The following UGT8 variants were observed in gnomAD, a reference collection of about 807,000 sequenced individuals.
The protein encoded by UGT8 is 2-hydroxyacylsphingosine 1-beta-galactosyltransferase.
In UGT8, 12 loss-of-function variants were observed where a neutral mutation model predicts 40.5. The ratio of observed to expected loss-of-function variants is 0.30; its 90% CI spans 0.19 to 0.48. The LOEUF is 0.48. UGT8 is among the 20% of genes least tolerant of loss of function. The pLI is 0.99. For synonymous variants in UGT8, 224 were observed against 240.4 expected (o/e 0.93, Z 0.63); for missense variants, 513 against 648.7 (o/e 0.79, Z 2.27).
chr4:114,627,300 C>G (rs1004451437), intron 2 of UGT8, among the ~76,000 whole-genome samples: 5 of 149,682 alleles, frequency 3.3e-5, no homozygotes, highest in Non-Finnish European at 7.4e-5. Flanking sequence ...GCTCTGTCAC[C>G]CAGGCTGGAG....
chr4:114,667,241 C>T (rs1423686450), intron 4 of UGT8, among the ~76,000 whole-genome samples: 2 of 152,116 alleles, frequency 1.3e-5, no homozygotes, highest in Non-Finnish European at 2.9e-5. Context: ...GTACCTGGCA[C>T]ATGTGTATTT....
chr4:114,660,610 A>G (rs1015215693), intron 2 of UGT8, among the ~76,000 whole-genome samples: 1 of 152,106 alleles, frequency 6.6e-6, no homozygotes, highest in Non-Finnish European at 1.5e-5. Context: ...TTTAACTTTT[A>G]GGCTGGGCGT....
chr4:114,658,907 C>T lies in UGT8; in HGVS notation c.823-5088C>T, dbSNP rs1734351815. On this transcript the variant is annotated intron_variant, in intron 2 of 5. Coordinates refer to ENST00000310836, the MANE Select transcript of UGT8 (RefSeq NM_001128174.3). ...AAATTTTATACTTTGGGAGTAGTTG[C>T]TCCCCGAGTCTGACTCTGGTACATT... Among the ~76,000 whole-genome samples the T allele has an allele frequency of 2.6e-5, 4 of 152,168 alleles. No homozygotes were observed. The South Asian group carries it at 8.3e-4, about 32-fold the overall frequency.
intron 2 of UGT8, among the ~76,000 whole-genome samples, chr4:114,628,511 AC>A (rs1207867038): frequency 1.3e-5 from 2 of 151,902 alleles, no homozygotes; most frequent in Non-Finnish European, 2.9e-5. Context: ...AGATAACCAT[AC>A]CATTACCCAA....
At chr4:114,671,929 C>CA (rs1020824043) in intron 5 of UGT8, among the ~76,000 whole-genome samples, 1 of 152,120 alleles carries the variant, frequency 6.6e-6, no homozygotes, top group African/African-American at 2.4e-5. Context: ...ACCCATCTGA[C>CA]AAAGGTCTAA....
At chr4:114,617,788 A>G (rs1172699875) in intron 1 of UGT8, among the ~76,000 whole-genome samples, 1 of 152,214 alleles carries the variant, frequency 6.6e-6, no homozygotes, top group Non-Finnish European at 1.5e-5. Flanking sequence ...GGCTGACAGT[A>G]AACATCTGGG....
At chr4:114,627,401 G>A (rs910264126) in intron 2 of UGT8, among the ~76,000 whole-genome samples, 1 of 151,682 alleles carries the variant, frequency 6.6e-6, no homozygotes, top group Non-Finnish European at 1.5e-5. Context: ...TGGGACTACA[G>A]ACTAGTGCTA....
In UGT8 at chr4:114,675,917, C is replaced by T. The variant is rs768366229; in HGVS notation, c.1263-8C>T. The T allele has an allele frequency of 1.2e-6, 2 of 1,605,712 alleles. No individual in the cohort carries two copies. The highest frequency in any genetic ancestry group is 2.2e-5 in the East Asian group (1 of 44,760). ...ATCATCATTCTGTGTTTTGTCCCCTCTCCATAGCTACCGTCAGAGGGCTCA... is the reference window on the plus strand; with the variant it reads ...ATCATCATTCTGTGTTTTGTCCCCTTTCCATAGCTACCGTCAGAGGGCTCA... On this transcript the variant is annotated splice_region_variant and splice_polypyrimidine_tract_variant and intron_variant, in intron 5 of 5. Coordinates refer to ENST00000310836, the MANE Select transcript of UGT8 (RefSeq NM_001128174.3).
Position 114,622,960 on chromosome 4 carries a change from C to T in UGT8, c.80C>T (p.Pro27Leu). 1 of 1,613,990 alleles carries T rather than the reference C, an allele frequency of 6.2e-7. No individual in the cohort carries two copies. Among genetic ancestry groups the T allele is most frequent in the Non-Finnish European group, 8.5e-7 (1 of 1,179,988 alleles). The part of the protein sequence containing the change: ...IAKAAKIIIV[P>L]PIMFESHMYI... ...AAGGCTGCCAAAATCATCATCGTGC[C>T]GCCAATTATGTTTGAAAGCCATATG... The change falls in exon 2 of 6, where the codon CCG becomes CTG. Residue 27 changes from proline to leucine, a missense_variant. By Grantham distance (98) the Pro-to-Leu change is moderately conservative. This residue lies in a region of UGT8 where 335 missense variants were observed against 444.8 expected (regional missense o/e 0.75). Coordinates refer to ENST00000310836, the MANE Select transcript of UGT8 (RefSeq NM_001128174.3).
At chr4:114,649,178 G>C (rs944580177) in intron 2 of UGT8, among the ~76,000 whole-genome samples, 1 of 152,138 alleles carries the variant, frequency 6.6e-6, no homozygotes, top group Non-Finnish European at 1.5e-5. Context: ...GAGTATTCTA[G>C]TTTTAAAGCA....
At chr4:114,671,862 G>C (rs890273233) in intron 5 of UGT8, among the ~76,000 whole-genome samples, 2 of 152,154 alleles carry the variant, frequency 1.3e-5, no homozygotes, top group Admixed American at 6.5e-5. Context: ...CACAGCAAAA[G>C]AAACTATCAT....
chr4:114,622,373 G>C (rs1731863098), intron 1 of UGT8: 2 of 150,646 alleles, frequency 1.3e-5, no homozygotes, highest in East Asian at 3.9e-4. Context: ...ATTTGGGTTG[G>C]TTCCAAGTCT....
chr4:114,623,131 C>A lies in UGT8; in HGVS notation c.251C>A (p.Ala84Asp). ...ATCTTTAACAGTACCACCTCAGATG[C>A]TTTCCTACAGTCCAAGATGCGGAAT... ...PGIFNSTTSD[A>D]FLQSKMRNIF... Residue 84 changes from alanine (A) to aspartate (D), a missense_variant, in exon 2 of 6, where the codon GCT becomes GAT. Coordinates refer to ENST00000310836, the MANE Select transcript of UGT8 (RefSeq NM_001128174.3). The A allele has an allele frequency of 6.2e-7, 1 of 1,614,120 alleles. No homozygotes were observed.
upstream of UGT8, chr4:114,598,635 C>G (rs1010757383): frequency 3.9e-5 from 6 of 152,202 alleles, no homozygotes; most frequent in African/African-American, 1.4e-4. Flanking sequence ...TCGTGCCCCG[C>G]TGAGCCAAGT....
chr4:114,647,566 A>G (rs1560694395), intron 2 of UGT8, among the ~76,000 whole-genome samples: 1 of 152,042 alleles, frequency 6.6e-6, no homozygotes, highest in African/African-American at 2.4e-5. Flanking sequence ...GGGTTTCACC[A>G]CATTGGCCAG....
chr4:114,615,219 C>T (rs978323704), intron 1 of UGT8, among the ~76,000 whole-genome samples: 2 of 151,624 alleles, frequency 1.3e-5, no homozygotes, highest in African/African-American at 4.9e-5. Flanking sequence ...TTTATACTCT[C>T]AGTCTTATTA....
chr4:114,621,913 A>AT (rs973113301), intron 1 of UGT8, among the ~76,000 whole-genome samples: 1 of 151,864 alleles, frequency 6.6e-6, no homozygotes, highest in Non-Finnish European at 1.5e-5. Context: ...TTTAATAGTG[A>AT]TTTTTTTTGT....
intron 1 of UGT8, among the ~76,000 whole-genome samples, chr4:114,599,972 T>A (rs1162698510): frequency 6.6e-6 from 1 of 152,136 alleles, no homozygotes; most frequent in African/African-American, 2.4e-5. Context: ...CAGCACTTCC[T>A]TAGGAAAGGA....
At chr4:114,650,771 A>G (rs1733850900) in intron 2 of UGT8, among the ~76,000 whole-genome samples, 1 of 152,294 alleles carries the variant, frequency 6.6e-6, no homozygotes, top group Admixed American at 6.5e-5. Context: ...TTTAAAAACA[A>G]CAACAACAAA....
Sources: gnomAD v4.1 joint callset for allele counts (sites outside exome capture counted in the v4.1 genomes callset) on GRCh38, gnomAD v4.1.1 for gene constraint, gnomAD v4.1.1 regional missense constraint, MANE v1.5 for transcripts, NCBI Gene and HGNC (gene_info 2026-07-23, HGNC 2026-07-21) for gene names.